COL19A1: variants seen among roughly 807,000 people sequenced by gnomAD.
The protein encoded by COL19A1 is collagen type XIX alpha 1 chain, also known as collagen alpha-1(XIX) chain.
COL19A1 carries 159 observed loss-of-function variants against 190.2 expected under a neutral mutation model. The ratio of observed to expected loss-of-function variants is 0.84; its 90% confidence interval spans 0.73 to 0.95. The LOEUF is 0.95. Among genes scored for constraint, COL19A1 ranks in the 40% least tolerant of loss-of-function variants. The pLI, the probability that COL19A1 is intolerant of heterozygous loss-of-function variation, is 0.00. For missense variants in COL19A1, 1,418 were observed against 1,431.9 expected, an observed-to-expected ratio of 0.99 and a Z score of 0.16; for synonymous variants, 509 against 458.9, an observed-to-expected ratio of 1.11 and a Z score of -1.39.
intron 14 of COL19A1, among the ~76,000 whole-genome samples, chr6:70,052,680 G>T (rs1057388708): frequency 6.6e-6 from 1 of 152,132 alleles, no homozygotes; most frequent in Non-Finnish European, 1.5e-5. Flanking sequence ...TATCAAAAAT[G>T]TCAAGGGTCA....
chr6:69,909,399 T>G (rs150622600), intron 4 of COL19A1, among the ~76,000 whole-genome samples: 1 of 152,120 alleles, frequency 6.6e-6, no homozygotes, highest in African/African-American at 2.4e-5. Context: ...ATTATAAGCA[T>G]ACAGTTAATG....
At chr6:69,930,932 A>T (rs1772723179) in intron 6 of COL19A1, among the ~76,000 whole-genome samples, 1 of 152,216 alleles carries the variant, frequency 6.6e-6, no homozygotes, top group African/African-American at 2.4e-5. Context: ...TTTCATGTGG[A>T]TTCTTGGTTC....
intron 48 of COL19A1, among the ~76,000 whole-genome samples, chr6:70,198,739 C>T (rs1156298231): frequency 6.6e-6 from 1 of 152,180 alleles, no homozygotes; most frequent in East Asian, 1.9e-4. Context: ...TGGCTTAAAA[C>T]ATTTATCTTA....
intron 11 of COL19A1, among the ~76,000 whole-genome samples, chr6:70,006,293 G>C (rs113893788): frequency 6.6e-6 from 1 of 152,328 alleles, no homozygotes; most frequent in East Asian, 1.9e-4. Flanking sequence ...GTGTGAGTTT[G>C]CGAGTGGGAT....
intron 5 of COL19A1, among the ~76,000 whole-genome samples, chr6:69,928,932 G>A (rs1349063940): frequency 6.6e-6 from 1 of 152,064 alleles, no homozygotes; most frequent in Non-Finnish European, 1.5e-5. Flanking sequence ...TATAAAATGT[G>A]TTTTCTCTGT....
intron 15 of COL19A1, among the ~76,000 whole-genome samples, chr6:70,089,354 T>A (rs376512125): frequency 6.6e-6 from 1 of 152,156 alleles, no homozygotes; most frequent in East Asian, 1.9e-4. Flanking sequence ...CAGTTAGGCA[T>A]GTATTTTTTA....
At chr6:70,107,612 A>G (rs1784054195) in intron 16 of COL19A1, among the ~76,000 whole-genome samples, 1 of 152,126 alleles carries the variant, frequency 6.6e-6, no homozygotes, top group African/African-American at 2.4e-5. Context: ...TTAAACCAAC[A>G]CTTCTTTTCT....
intron 25 of COL19A1, 75 bp downstream of exon 25, chr6:70,145,082 T>A (rs1483768398): frequency 2.8e-6 from 3 of 1,077,746 alleles, no homozygotes. Flanking sequence ...TAGTTTCAGA[T>A]CACAAGTATG....
At chr6:70,169,688 C>T (rs1163039451) in intron 40 of COL19A1, among the ~76,000 whole-genome samples, 1 of 152,078 alleles carries the variant, frequency 6.6e-6, no homozygotes, top group Non-Finnish European at 1.5e-5. Flanking sequence ...ATTCAGTTTC[C>T]TTTGTTTTAC....
At chr6:69,974,074 AT>A (rs771086401) in intron 11 of COL19A1, 2 of 152,228 alleles carry the variant, frequency 1.3e-5, no homozygotes, top group African/African-American at 2.4e-5. Context: ...CTTAAAAAAA[AT>A]CATTGGTTTT....
At chr6:70,174,548 A>C (rs1422952008) in intron 41 of COL19A1, among the ~76,000 whole-genome samples, 1 of 146,054 alleles carries the variant, frequency 6.8e-6, no homozygotes, top group African/African-American at 2.5e-5. Flanking sequence ...TGATAGAGCC[A>C]GACTCCGTCT....
At chr6:70,017,262 A>G (rs758296370) in intron 11 of COL19A1, among the ~76,000 whole-genome samples, 2 of 152,142 alleles carry the variant, frequency 1.3e-5, no homozygotes, top group Non-Finnish European at 2.9e-5. Context: ...ATTTATATGA[A>G]ATTTCTAGAA....
chr6:69,919,895 C>G (rs148858078), intron 4 of COL19A1, among the ~76,000 whole-genome samples: 2,405 of 152,008 alleles, frequency 0.016, 37 homozygotes, highest in Middle Eastern at 0.027. Flanking sequence ...TAATTTTTAC[C>G]TACCAAAATA....
intron 34 of COL19A1, among the ~76,000 whole-genome samples, chr6:70,157,459 G>T (rs1787511294): frequency 6.6e-6 from 1 of 152,008 alleles, no homozygotes; most frequent in Non-Finnish European, 1.5e-5. Flanking sequence ...CTTAATGAAA[G>T]TAAGTAAGCC....
intron 49 of COL19A1, among the ~76,000 whole-genome samples, chr6:70,202,274 G>A (rs186189500): frequency 6.6e-6 from 1 of 152,198 alleles, no homozygotes; most frequent in Admixed American, 6.5e-5. Flanking sequence ...TGTTTTCAGT[G>A]TTTGTCAGGA....
chr6:70,009,082 A>G (rs1027502690), intron 11 of COL19A1, among the ~76,000 whole-genome samples: 5 of 152,034 alleles, frequency 3.3e-5, no homozygotes, highest in Admixed American at 6.5e-5. Context: ...ACTGAACTCT[A>G]AGATCAGGAT....
intron 42 of COL19A1, among the ~76,000 whole-genome samples, chr6:70,177,322 A>G (rs1188696182): frequency 6.6e-6 from 1 of 152,090 alleles, no homozygotes; most frequent in Non-Finnish European, 1.5e-5. Flanking sequence ...TCACAAGAAT[A>G]TAAGAAAGAT....
intron 34 of COL19A1, among the ~76,000 whole-genome samples, chr6:70,159,531 T>C (rs985101823): frequency 6.6e-6 from 1 of 152,126 alleles, no homozygotes; most frequent in African/African-American, 2.4e-5. Context: ...CCAAGACTTA[T>C]GAGGAATTCT....
At chr6:70,171,410 T>C (rs1166678232) in intron 40 of COL19A1, among the ~76,000 whole-genome samples, 1 of 152,208 alleles carries the variant, frequency 6.6e-6, no homozygotes, top group East Asian at 1.9e-4. Context: ...AACACTAATC[T>C]ACCCCCTTCC....
Sources: gnomAD v4.1 joint callset for allele counts (sites outside exome capture counted in the v4.1 genomes callset) on GRCh38, gnomAD v4.1.1 for gene constraint, MANE v1.5 for transcripts, NCBI Gene and HGNC (gene_info 2026-07-23, HGNC 2026-07-21) for gene names.